RGS17: variants seen among roughly 807,000 people sequenced by gnomAD.
RGS17 encodes the protein regulator of G-protein signaling 17.
A neutral mutation model predicts 25.5 loss-of-function variants in RGS17; 12 were observed. That is an observed-to-expected ratio of 0.47 (90% confidence interval 0.30 to 0.76). The LOEUF (loss-of-function observed/expected upper bound fraction) is 0.76, where lower values mean the gene tolerates loss of function less well. Ranked by LOEUF, RGS17 falls within the 30% of genes least tolerant of loss-of-function variation. RGS17 has a pLI of 0.07. For missense variants in RGS17, 196 were observed against 242.2 expected (o/e 0.81, Z 1.27); for synonymous variants, 71 against 76.9 (o/e 0.92, Z 0.40).
intron 1 of RGS17, among the ~76,000 whole-genome samples, chr6:153,055,804 C>T (rs56943351): frequency 6.6e-6 from 1 of 152,242 alleles, no homozygotes; most frequent in East Asian, 1.9e-4. Flanking sequence ...GTTATATCTT[C>T]CAAGAAATGA....
chr6:153,035,639 T>C (rs926276643), intron 2 of RGS17, among the ~76,000 whole-genome samples: 13 of 152,220 alleles, frequency 8.5e-5, no homozygotes, highest in African/African-American at 1.2e-4. Flanking sequence ...TGGAATTTTC[T>C]GGAGGAATTT....
intron 2 of RGS17, among the ~76,000 whole-genome samples, chr6:153,034,193 G>A (rs1776202941): frequency 6.6e-6 from 1 of 152,158 alleles, no homozygotes; most frequent in Admixed American, 6.5e-5. Flanking sequence ...CGTATGGGAT[G>A]AATGTGCGGG....
intron 1 of RGS17, among the ~76,000 whole-genome samples, chr6:153,070,971 A>G (rs1776790588): frequency 6.7e-6 from 1 of 148,916 alleles, no homozygotes; most frequent in South Asian, 2.1e-4. Context: ...ATACACGTGT[A>G]TATGTACACA....
At position 153,131,177 on chromosome 6, in the gene RGS17, G is replaced by A. The variant is rs1777787603; in HGVS notation, c.-79C>T. 6.6e-6 allele frequency: 1 copy of A among 152,076 alleles called. No homozygotes were observed. 9.4% of individuals were successfully genotyped at this position (152,076 alleles called of 1,614,324 possible). The stretch of plus-strand genomic sequence containing the variant: ...CCGATGGGTCCGGGGGAGCGGGGCT[G>A]GGCGGCTCGGTCCTCTAGCGGAGCC... On this transcript the variant is annotated 5_prime_UTR_variant, in exon 1 of 5. Transcript: ENST00000206262.
chr6:153,103,529 G>GTT (rs1488502909), intron 1 of RGS17, among the ~76,000 whole-genome samples: 6 of 152,106 alleles, frequency 3.9e-5, no homozygotes, highest in Admixed American at 2.6e-4. Flanking sequence ...AGTTGCTGAG[G>GTT]TTGCCAGGAT....
At chr6:153,042,531 C>A (rs1387959004) in intron 2 of RGS17, among the ~76,000 whole-genome samples, 1 of 152,204 alleles carries the variant, frequency 6.6e-6, no homozygotes, top group African/African-American at 2.4e-5. Context: ...GAGGCCTCCC[C>A]AGCCCTGTGG....
At chr6:153,070,625 G>T (rs1776775079) in intron 1 of RGS17, among the ~76,000 whole-genome samples, 1 of 149,924 alleles carries the variant, frequency 6.7e-6, no homozygotes, top group Non-Finnish European at 1.5e-5. Flanking sequence ...AATCTTCCAT[G>T]GATACTGGCT....
intron 4 of RGS17, among the ~76,000 whole-genome samples, chr6:153,019,293 T>C (rs1779215495): frequency 1.3e-5 from 2 of 152,204 alleles, no homozygotes; most frequent in African/African-American, 4.8e-5. Flanking sequence ...GGACCATGGT[T>C]TTCTTCAATT....
At chr6:153,058,872 T>C (rs2129114221) in intron 1 of RGS17, among the ~76,000 whole-genome samples, 1 of 151,174 alleles carries the variant, frequency 6.6e-6, no homozygotes, top group South Asian at 2.1e-4. Flanking sequence ...ATACTACTAC[T>C]CCTGGAAGGG....
intron 1 of RGS17, among the ~76,000 whole-genome samples, chr6:153,071,047 A>G (rs114868439): frequency 1.7e-3 from 260 of 150,100 alleles, no homozygotes; most frequent in African/African-American, 5.9e-3. Context: ...GTATATGTAC[A>G]TGTGTATACG....
rs1035734474 is a variant in RGS17 at position 153,011,688 on chromosome 6, A to G, written c.519T>C (p.Asp173=). 1.2e-6 allele frequency: 2 copies of G among 1,613,066 alleles called. No individual in the cohort carries two copies. Among genetic ancestry groups the G allele is most frequent in the African/African-American group, 2.7e-5 (2 of 74,918 alleles). The change falls in exon 5 of 5, where the codon GAT becomes GAC. Residue 173 remains aspartate, a synonymous_variant. Transcript: ENST00000206262. The part of the protein sequence containing the change: ...LLDPNPHMYE[D]AQLQIYTLMH... ...TTAAAGTATATATCTGAAGTTGGGC[A>G]TCTTCATACATGTGAGGATTGGGAT...
rs530451655 is a variant in RGS17, at chr6:153,010,340, T to C, written c.*1234A>G. On this transcript the variant is annotated 3_prime_UTR_variant, in exon 5 of 5. Coordinates refer to ENST00000206262, the MANE Select transcript of RGS17 (RefSeq NM_012419.5). ...CAAGTGTTTTGTCGTAAAGATTTAG[T>C]GTACTTATAAAAAATAATATGGCAG... 1 of 152,150 alleles carries C rather than the reference T, an allele frequency of 6.6e-6. No homozygotes were observed. Among genetic ancestry groups the C allele is most frequent in the Admixed American group, 6.5e-5 (1 of 15,292 alleles). The allele number at this position is 152,150 out of a possible 1,614,324, so 9.4% of individuals were successfully genotyped here.
intron 2 of RGS17, among the ~76,000 whole-genome samples, chr6:153,030,266 GT>G (rs1045939710): frequency 6.6e-6 from 1 of 152,138 alleles, no homozygotes; most frequent in East Asian, 1.9e-4. Flanking sequence ...CAATTATACA[GT>G]TTATCTACTG....
At chr6:153,089,814 AT>A (rs1777101698) in intron 1 of RGS17, among the ~76,000 whole-genome samples, 1 of 152,192 alleles carries the variant, frequency 6.6e-6, no homozygotes, top group African/African-American at 2.4e-5. Flanking sequence ...AGTATATATA[AT>A]TTTAAAAATT....
chr6:153,079,145 G>A (rs1318305784), intron 1 of RGS17, among the ~76,000 whole-genome samples: 3 of 151,394 alleles, frequency 2.0e-5, no homozygotes, highest in Admixed American at 6.6e-5. Context: ...GTGGTCCAAT[G>A]TGGCTCACTG....
intron 1 of RGS17, among the ~76,000 whole-genome samples, chr6:153,129,735 GAA>G: frequency 6.6e-6 from 1 of 152,320 alleles, no homozygotes; most frequent in African/African-American, 2.4e-5. Context: ...TTTAAGAAAA[GAA>G]AGAAATAACT....
At position 153,008,902 on chromosome 6, in the gene RGS17, TAC is replaced by T. The variant is rs1779104319; in HGVS notation, c.*2670_*2671del. 6.6e-6 allele frequency: 1 copy of T among 152,170 alleles called. No individual in the cohort carries two copies. The highest frequency in any genetic ancestry group is 2.4e-5 in the African/African-American group (1 of 41,446). The allele number at this position is 152,170 out of a possible 1,614,324, so 9.4% of individuals were successfully genotyped here. On this transcript the variant is annotated 3_prime_UTR_variant, in exon 5 of 5. Transcript: ENST00000206262. ...TAGAAAATTAGTAGAGTTGCAAATA[TAC>T]AGACATACTCTTAAATGAGAAACCC...
intron 2 of RGS17, among the ~76,000 whole-genome samples, chr6:153,026,921 G>T (rs1779309293): frequency 6.6e-6 from 1 of 151,902 alleles, no homozygotes; most frequent in East Asian, 1.9e-4. Flanking sequence ...ATGTCATTTT[G>T]ATTTTTGGTT....
chr6:153,100,651 G>A (rs1483938609), intron 1 of RGS17, among the ~76,000 whole-genome samples: 2 of 152,240 alleles, frequency 1.3e-5, no homozygotes, highest in South Asian at 2.1e-4. Flanking sequence ...TTATAGGAAC[G>A]TTCCTAGAGG....
Sources: gnomAD v4.1 joint callset for allele counts (sites outside exome capture counted in the v4.1 genomes callset) on GRCh38, gnomAD v4.1.1 for gene constraint, MANE v1.5 for transcripts, NCBI Gene and HGNC (gene_info 2026-07-23, HGNC 2026-07-21) for gene names.